The following SCOC variants were observed in gnomAD, a reference collection of about 807,000 sequenced individuals.
SCOC encodes the protein short coiled coil protein.
SCOC carries 7 observed loss-of-function variants against 9.9 expected under a neutral mutation model. That is an observed-to-expected ratio of 0.71 (90% confidence interval 0.40 to 1.33). The LOEUF is 1.33. Ranked by LOEUF, SCOC falls within the 40% of genes most tolerant of loss-of-function variation. SCOC has a pLI of 0.01. For missense variants in SCOC, 66 were observed against 89.7 expected, an observed-to-expected ratio of 0.74 and a Z score of 1.07; for synonymous variants, 19 against 28.2, an observed-to-expected ratio of 0.67 and a Z score of 1.03.
chr4:140,376,119 T>G (rs527512527), intron 1 of SCOC, among the ~76,000 whole-genome samples: 2 of 152,290 alleles, frequency 1.3e-5, no homozygotes, highest in Admixed American at 1.3e-4. Flanking sequence ...GTATTAAGTA[T>G]CTGTTATGAT....
At chr4:140,343,772 T>A (rs1008697076) in intron 2 of SCOC, 12 of 1,130,266 alleles carry the variant, frequency 1.1e-5, no homozygotes, top group Non-Finnish European at 1.4e-5. Flanking sequence ...TTTAAAAATA[T>A]AACTTTTATT....
intron 1 of SCOC, among the ~76,000 whole-genome samples, chr4:140,325,365 A>G (rs1732615079): frequency 6.6e-6 from 1 of 152,114 alleles, no homozygotes; most frequent in Non-Finnish European, 1.5e-5. Flanking sequence ...TTGAGAAAAT[A>G]AAAAGACTGG....
chr4:140,322,035 G>A (rs1367129085), intron 1 of SCOC, among the ~76,000 whole-genome samples: 1 of 152,160 alleles, frequency 6.6e-6, no homozygotes, highest in African/African-American at 2.4e-5. Flanking sequence ...CTAGCATCTG[G>A]CTCACCAGAT....
intron 2 of SCOC, chr4:140,366,225 C>A: frequency 3.1e-5 from 22 of 720,980 alleles, no homozygotes; most frequent in South Asian, 1.1e-4. Context: ...TATTACTTTT[C>A]TAATCACCTC....
At chr4:140,297,229 C>T (rs1223241523) in intron 1 of SCOC, among the ~76,000 whole-genome samples, 1 of 148,096 alleles carries the variant, frequency 6.8e-6, no homozygotes, top group African/African-American at 2.5e-5. Flanking sequence ...TGGAGAGGCG[C>T]GGAGGGAAAA....
intron 2 of SCOC, among the ~76,000 whole-genome samples, chr4:140,352,634 T>C (rs765010156): frequency 2.6e-5 from 4 of 152,188 alleles, no homozygotes; most frequent in Non-Finnish European, 5.9e-5. Flanking sequence ...AAGCAAAAAC[T>C]AGTTTCAGTA....
intron 1 of SCOC, among the ~76,000 whole-genome samples, chr4:140,260,002 T>C (rs550144804): frequency 6.6e-6 from 1 of 152,268 alleles, no homozygotes; most frequent in South Asian, 2.1e-4. Context: ...TGAGGTTGGG[T>C]CAAATCTCAC....
chr4:140,340,329 T>G (rs903061700), upstream of SCOC, among the ~76,000 whole-genome samples: 2 of 151,836 alleles, frequency 1.3e-5, no homozygotes, highest in African/African-American at 2.4e-5. Context: ...AGGAATAGCA[T>G]TAGGAGATAT....
intron 1 of SCOC, among the ~76,000 whole-genome samples, chr4:140,259,082 G>T (rs963141169): frequency 6.6e-6 from 1 of 152,232 alleles, no homozygotes; most frequent in Admixed American, 6.5e-5. Flanking sequence ...CACAGACAGG[G>T]TTATTACTGA....
rs916188758 is a variant in SCOC, at chr4:140,374,040, G to A, written c.-51+323G>A. On this transcript the variant is annotated intron_variant, in intron 1 of 3. Transcript: ENST00000608372. ...GGTCGGGAGCCGCTTTGCAGCTCTC[G>A]GCTCTGGAATTGGACTGCGGGAGGG... is the stretch of plus-strand genomic sequence containing the variant. 3 of 536,808 alleles carry A rather than the reference G, an allele frequency of 5.6e-6. No homozygotes were observed. In the African/African-American group the frequency reaches 5.6e-5, roughly 10 times the overall value. 33.3% of individuals were successfully genotyped at this position (536,808 alleles called of 1,614,324 possible).
chr4:140,296,370 C>G (rs891388372), intron 1 of SCOC, among the ~76,000 whole-genome samples: 1 of 152,164 alleles, frequency 6.6e-6, no homozygotes, highest in African/African-American at 2.4e-5. Context: ...TTCAGAACTA[C>G]TAAGGGTGGA....
chr4:140,351,215 G>C (rs1332204649), intron 2 of SCOC, among the ~76,000 whole-genome samples: 1 of 151,682 alleles, frequency 6.6e-6, no homozygotes, highest in Non-Finnish European at 1.5e-5. Flanking sequence ...GAAGAAGAAG[G>C]CTCTGAGATT....
intron 1 of SCOC, chr4:140,285,295 T>C (rs1018884067): frequency 4.4e-6 from 2 of 456,668 alleles, no homozygotes; most frequent in Non-Finnish European, 8.8e-6. Context: ...AGAGAAGAGA[T>C]AATTTAGATG....
intron 1 of SCOC, among the ~76,000 whole-genome samples, chr4:140,378,353 C>T (rs1728430887): frequency 6.6e-6 from 1 of 151,922 alleles, no homozygotes; most frequent in African/African-American, 2.4e-5. Flanking sequence ...TTTTCATTTT[C>T]ATGTTTTTTA....
At chr4:140,311,557 A>T (rs1260413134) in intron 1 of SCOC, among the ~76,000 whole-genome samples, 1 of 152,138 alleles carries the variant, frequency 6.6e-6, no homozygotes, top group East Asian at 1.9e-4. Context: ...TCCAACTTAC[A>T]GTGTATTTTT....
At chr4:140,282,724 A>ACAGAGGTTAAAG (rs1731130023) in intron 1 of SCOC, among the ~76,000 whole-genome samples, 2 of 152,010 alleles carry the variant, frequency 1.3e-5, no homozygotes, top group Non-Finnish European at 2.9e-5. Flanking sequence ...TATCTCTTTA[A>ACAGAGGTTAAAG]CCTCTGTTTG....
At chr4:140,366,357 G>A in intron 2 of SCOC, 1 of 1,257,160 alleles carries the variant, frequency 8.0e-7, no homozygotes, top group Non-Finnish European at 1.1e-6. Context: ...CTTCTAAGCT[G>A]GAGCCTTCTT....
At chr4:140,276,932 T>C (rs1245944918) in intron 1 of SCOC, among the ~76,000 whole-genome samples, 4 of 152,158 alleles carry the variant, frequency 2.6e-5, no homozygotes, top group South Asian at 2.1e-4. Context: ...ATACCAACAA[T>C]GTAAATGCTA....
intron 1 of SCOC, among the ~76,000 whole-genome samples, chr4:140,260,456 G>A (rs553828271): frequency 2.0e-5 from 3 of 152,172 alleles, no homozygotes; most frequent in Non-Finnish European, 4.4e-5. Flanking sequence ...ATCTTGTGAG[G>A]TCATCTTGAC....
Sources: gnomAD v4.1 joint callset for allele counts (sites outside exome capture counted in the v4.1 genomes callset) on GRCh38, gnomAD v4.1.1 for gene constraint, MANE v1.5 for transcripts, NCBI Gene and HGNC (gene_info 2026-07-23, HGNC 2026-07-21) for gene names.